DLG1: variants seen among roughly 807,000 people sequenced by gnomAD.
The protein encoded by DLG1 is disks large homolog 1.
DLG1 carries 42 observed loss-of-function variants against 123.4 expected under a neutral mutation model. The ratio of observed to expected loss-of-function variants is 0.34; its 90% CI spans 0.27 to 0.44. DLG1 has a LOEUF of 0.44. DLG1 is among the 20% of genes least tolerant of loss of function. DLG1 has a pLI of 1.00. For missense variants in DLG1, 942 were observed against 1,082.6 expected (o/e 0.87, Z 1.82); for synonymous variants, 317 against 356.2 (o/e 0.89, Z 1.24).
intron 8 of DLG1, among the ~76,000 whole-genome samples, chr3:197,139,006 T>C (rs1786536409): frequency 6.6e-6 from 1 of 152,194 alleles, no homozygotes; most frequent in Non-Finnish European, 1.5e-5. Flanking sequence ...AACCTATATA[T>C]TAGACATAAA....
At chr3:197,185,873 C>G (rs553545185) in intron 5 of DLG1, among the ~76,000 whole-genome samples, 1 of 152,130 alleles carries the variant, frequency 6.6e-6, no homozygotes, top group African/African-American at 2.4e-5. Flanking sequence ...TAGTGAGCAT[C>G]TATTTATCCT....
intron 4 of DLG1, among the ~76,000 whole-genome samples, chr3:197,220,105 C>G (rs544533426): frequency 2.0e-4 from 30 of 152,314 alleles, no homozygotes; most frequent in Admixed American, 1.6e-3. Flanking sequence ...ATGATTAGTA[C>G]ATAAATGCCT....
At chr3:197,258,978 A>C (rs1758119153) in intron 4 of DLG1, among the ~76,000 whole-genome samples, 1 of 152,212 alleles carries the variant, frequency 6.6e-6, no homozygotes. Context: ...TTTAAGCAAA[A>C]TAGACCCTCT....
chr3:197,293,760 C>A (rs1041596532), intron 3 of DLG1: 1 of 153,826 alleles, frequency 6.5e-6, no homozygotes, highest in African/African-American at 2.4e-5. Flanking sequence ...TAACTCACTG[C>A]GGCCTAAACA....
intron 5 of DLG1, among the ~76,000 whole-genome samples, chr3:197,170,993 G>A (rs2150023840): frequency 6.6e-6 from 1 of 152,276 alleles, no homozygotes; most frequent in Admixed American, 6.5e-5. Context: ...GCAAGGAAAA[G>A]TATCAACTGT....
At chr3:197,197,656 T>C (rs1038413020) in intron 4 of DLG1, among the ~76,000 whole-genome samples, 1 of 152,130 alleles carries the variant, frequency 6.6e-6, no homozygotes, top group African/African-American at 2.4e-5. Context: ...GATCCTAATA[T>C]CCACACGGAA....
chr3:197,055,477 T>C lies in DLG1; in HGVS notation c.2484-3809A>G, dbSNP rs945874650. On this transcript the variant is annotated intron_variant, in intron 23 of 24. Transcript: ENST00000667157. ...ATGTAAGTAACTCTGGAGAACGAAT[T>C]CTCTTCCTTTCCCAGGGTTTGCTGT... Among the ~76,000 whole-genome samples the C allele has an allele frequency of 8.1e-4, 123 of 152,224 alleles. 1 individual carries two copies. Among genetic ancestry groups the C allele is most frequent in the Admixed American group, 8.1e-3 (123 of 15,276 alleles).
At chr3:197,168,926 T>G (rs1195915175) in intron 5 of DLG1, among the ~76,000 whole-genome samples, 1 of 152,228 alleles carries the variant, frequency 6.6e-6, no homozygotes, top group East Asian at 1.9e-4. Context: ...AATTGTAAAT[T>G]TCTACAAAAT....
upstream of DLG1, chr3:197,298,636 C>T (rs1778607581): frequency 2.5e-6 from 1 of 398,282 alleles, no homozygotes; most frequent in African/African-American, 2.1e-5. Flanking sequence ...GGAAAAGCCG[C>T]CTTAAGGAGG....
chr3:197,296,962 G>GA, intron 2 of DLG1: 1 of 559,270 alleles, frequency 1.8e-6, no homozygotes, highest in Admixed American at 3.2e-5. Flanking sequence ...TTGGGGGGGG[G>GA]CTAACTGCCT....
chr3:197,167,700 G>C (rs1051764417), intron 5 of DLG1, among the ~76,000 whole-genome samples: 2 of 152,132 alleles, frequency 1.3e-5, no homozygotes, highest in Non-Finnish European at 2.9e-5. Flanking sequence ...ACTTTACTGA[G>C]GTAGAAGTGA....
intron 3 of DLG1, among the ~76,000 whole-genome samples, chr3:197,290,354 T>G (rs1044987631): frequency 9.9e-5 from 15 of 152,228 alleles, no homozygotes; most frequent in Non-Finnish European, 2.1e-4. Context: ...GTGGAAATTT[T>G]GCTAAGGAGT....
rs1392929342 is a variant in DLG1, at chr3:197,042,577, T to C, written c.*2046A>G. The C allele has an allele frequency of 1.3e-5, 2 of 152,234 alleles. No homozygotes were observed. The highest frequency in any genetic ancestry group is 1.5e-5 in the Non-Finnish European group (1 of 68,044). 9.4% of individuals were successfully genotyped at this position (152,234 alleles called of 1,614,324 possible). On this transcript the variant is annotated 3_prime_UTR_variant, in exon 25 of 25. Transcript: ENST00000667157. The stretch of plus-strand genomic sequence containing the variant: ...CAAGGACATCCAGAAAACAATGTTA[T>C]GTAAATTTTAATATATAAATGGCAT...
chr3:197,065,553 A>T, intron 21 of DLG1, 105 bp from the exon 22 acceptor site: 3 of 1,116,498 alleles, frequency 2.7e-6, no homozygotes, highest in Non-Finnish European at 3.8e-6. Context: ...GAACAGATTA[A>T]TTTAAATCTG....
intron 4 of DLG1, among the ~76,000 whole-genome samples, chr3:197,236,778 G>A (rs1578482428): frequency 6.6e-6 from 1 of 152,168 alleles, no homozygotes; most frequent in African/African-American, 2.4e-5. Context: ...AATCTTACCA[G>A]GAAGCAGATC....
intron 10 of DLG1, among the ~76,000 whole-genome samples, chr3:197,133,750 C>A (rs181607301): frequency 1.3e-5 from 2 of 151,994 alleles, no homozygotes; most frequent in African/African-American, 4.8e-5. Context: ...TGAGGAGGCA[C>A]CAGACATCAG....
chr3:197,071,317 G>A (rs1440767790), intron 18 of DLG1, among the ~76,000 whole-genome samples: 1 of 151,920 alleles, frequency 6.6e-6, no homozygotes, highest in Non-Finnish European at 1.5e-5. Context: ...AATACCTGCA[G>A]GGTTTATTTT....
At chr3:197,217,492 T>C (rs975225536) in intron 4 of DLG1, among the ~76,000 whole-genome samples, 8 of 152,194 alleles carry the variant, frequency 5.3e-5, no homozygotes, top group Non-Finnish European at 1.2e-4. Flanking sequence ...CATGTTCATG[T>C]AGGGCAGCTG....
chr3:197,282,978 T>C (rs1187538065), intron 3 of DLG1, 133 bp from the exon 4 acceptor site: 4 of 510,144 alleles, frequency 7.8e-6, no homozygotes, highest in Non-Finnish European at 1.4e-5. Context: ...ATAATGTACT[T>C]AAACAGTGAA....
Sources: gnomAD v4.1 joint callset for allele counts (sites outside exome capture counted in the v4.1 genomes callset) on GRCh38, gnomAD v4.1.1 for gene constraint, MANE v1.5 for transcripts, NCBI Gene and HGNC (gene_info 2026-07-23, HGNC 2026-07-21) for gene names.